Variants in ASMTL observed in about 807,000 individuals in gnomAD.
The protein encoded by ASMTL is probable bifunctional dTTP/UTP pyrophosphatase/methyltransferase protein.
In ASMTL, 57 loss-of-function variants were observed where a neutral mutation model predicts 60.3. The ratio of observed to expected loss-of-function variants is 0.95; its 90% CI spans 0.76 to 1.18. The LOEUF is 1.18. ASMTL is among the 50% of genes most tolerant of loss of function. The pLI, the probability that ASMTL is intolerant of heterozygous loss-of-function variation, is 0.00. For synonymous variants in ASMTL, 419 were observed against 373.0 expected (o/e 1.12, Z -1.42); for missense variants, 981 against 852.6 (o/e 1.15, Z -1.88).
intron 8 of ASMTL, among the ~76,000 whole-genome samples, chrX:1,424,906 C>T (rs1355020378): frequency 7.0e-6 from 1 of 143,224 alleles, no homozygotes; most frequent in Non-Finnish European, 1.5e-5. Context: ...ATCCATCCAC[C>T]TTCCCATCCA....
intron 1 of ASMTL, among the ~76,000 whole-genome samples, chrX:1,451,640 A>AG (rs1317191435): frequency 8.1e-6 from 1 of 123,172 alleles, no homozygotes; most frequent in South Asian, 2.9e-4. Flanking sequence ...CCCCATCCCT[A>AG]GGGGGGTCCC....
intron 12 of ASMTL, among the ~76,000 whole-genome samples, chrX:1,404,116 CATGGATGAG>C (rs1368368274): frequency 2.1e-5 from 3 of 140,558 alleles, no homozygotes; most frequent in African/African-American, 8.2e-5. Context: ...TAGATGGGTG[CATGGATGAG>C]ATGGATGGTT....
chrX:1,418,954 G>T, intron 10 of ASMTL, 28 bp downstream of exon 10: 1 of 1,611,090 alleles, frequency 6.2e-7, no homozygotes, highest in Non-Finnish European at 8.5e-7. Flanking sequence ...ACGAAAGTAA[G>T]GAGAGCCCTG....
intron 1 of ASMTL, among the ~76,000 whole-genome samples, chrX:1,446,183 CCTCT>C (rs1173657856): frequency 1.3e-5 from 2 of 152,014 alleles, no homozygotes; most frequent in South Asian, 2.1e-4. Flanking sequence ...CTCTCCTTCT[CCTCT>C]CTCTCTCTGC....
At chrX:1,418,890 G>T in intron 10 of ASMTL, 92 bp downstream of exon 10, 1 of 1,527,142 alleles carries the variant, frequency 6.5e-7, no homozygotes, top group Non-Finnish European at 9.0e-7. Context: ...TTTGTCAATG[G>T]AAAAAGGCAG....
intron 11 of ASMTL, among the ~76,000 whole-genome samples, chrX:1,417,542 C>G (rs1470409600): frequency 9.4e-6 from 1 of 106,808 alleles, no homozygotes; most frequent in Admixed American, 1.1e-4. Context: ...CACACATGCA[C>G]ACAGACACAC....
chrX:1,427,359 T>G (rs2090638544), intron 7 of ASMTL, among the ~76,000 whole-genome samples: 1 of 151,914 alleles, frequency 6.6e-6, no homozygotes, highest in Non-Finnish European at 1.5e-5. Context: ...GACCTTGTTT[T>G]AAAAAGGGGT....
chrX:1,415,767 TGTC>T (rs2090221612), intron 11 of ASMTL, among the ~76,000 whole-genome samples: 1 of 152,196 alleles, frequency 6.6e-6, no homozygotes, highest in Non-Finnish European at 1.5e-5. Flanking sequence ...TGCCCAGCCT[TGTC>T]CACCTGTTTG....
chrX:1,423,222 G>T (rs776178508), intron 8 of ASMTL, among the ~76,000 whole-genome samples: 5 of 152,190 alleles, frequency 3.3e-5, no homozygotes, highest in Admixed American at 6.5e-5. Flanking sequence ...CAAGTGCTGG[G>T]ATTACAGGCG....
chrX:1,406,206 AGATG>A (rs1569530731), intron 12 of ASMTL, among the ~76,000 whole-genome samples: 4 of 138,140 alleles, frequency 2.9e-5, no homozygotes, highest in Admixed American at 7.1e-5. Context: ...TGGATGGATG[AGATG>A]GATGGATGGG....
In ASMTL at chrX:1,423,102, G is replaced by C. The variant is rs534897811; in HGVS notation, c.1061-1260C>G. 2.2e-4 allele frequency among the ~76,000 whole-genome samples: 34 copies of C among 152,144 alleles called. No individual in the cohort carries two copies. In the South Asian group the frequency reaches 6.8e-3, roughly 31 times the overall value. ...CGAGTAGCTGGGACTACAGGCACCC[G>C]CCACCGTGCCCGGCTAATTTTTTGT... On this transcript the variant is annotated intron_variant, in intron 8 of 12. Coordinates refer to ENST00000381317, the MANE Select transcript of ASMTL (RefSeq NM_004192.4).
chrX:1,438,915 C>T (rs760043989), intron 3 of ASMTL, 182 bp downstream of exon 3: 10 of 205,792 alleles, frequency 4.9e-5, no homozygotes, highest in Non-Finnish European at 6.8e-5. Context: ...GGGTGAGCCA[C>T]GGCGCCTGGC....
chrX:1,440,032 C>A (rs183529812), intron 2 of ASMTL, among the ~76,000 whole-genome samples: 1 of 151,892 alleles, frequency 6.6e-6, no homozygotes, highest in African/African-American at 2.4e-5. Flanking sequence ...ACAATCAATA[C>A]TCCTGTCTTG....
Position 1,452,877 on chromosome X carries a change from A to T in ASMTL, c.-37T>A. ...CGGGAGCCGGGCGTCCGCACTTCTG[A>T]GCCCGGAGCCCGCGGTGCGCGCAGC... On this transcript the variant is annotated 5_prime_UTR_variant, in exon 1 of 13. Coordinates refer to ENST00000381317, the MANE Select transcript of ASMTL (RefSeq NM_004192.4). 2.1e-6 allele frequency: 3 copies of T among 1,443,866 alleles called. No homozygotes were observed. The highest frequency in any genetic ancestry group is 2.8e-6 in the Non-Finnish European group (3 of 1,085,584). The allele number at this position is 1,443,866 out of a possible 1,614,324, so 89.4% of individuals were successfully genotyped here.
chrX:1,442,465 T>TTAGGGA, intron 1 of ASMTL, 148 bp from the exon 2 acceptor site: 2 of 921,628 alleles, frequency 2.2e-6, no homozygotes, highest in Non-Finnish European at 3.3e-6. Context: ...AAGCTTTCCC[T>TTAGGGA]AAGTGTGGCT....
rs201174652 is a variant in ASMTL at position 1,432,289 on chromosome X, G to C, written c.489C>G (p.Tyr163Ter). 114 of 1,612,012 alleles carry C rather than the reference G, an allele frequency of 7.1e-5. No individual in the cohort carries two copies. Among genetic ancestry groups the C allele is most frequent in the Non-Finnish European group, 5.6e-5 (66 of 1,179,088 alleles). ...SELSEELLWE[Y>*]VHSGEPMDKA... ...CTCACATGGGCTCCCCGCTGTGGAC[G>C]TATTCCCAGAGCAGCTCCTCGGACA... Residue 163 changes from tyrosine (Y) to a stop codon, truncating the protein, a stop_gained, in exon 6 of 13, where the codon TAC (tyrosine) becomes TAG (stop). Coordinates refer to ENST00000381317, the MANE Select transcript of ASMTL (RefSeq NM_004192.4). LOFTEE classifies it high-confidence loss of function.
At chrX:1,440,256 T>C (rs1189604365) in intron 2 of ASMTL, among the ~76,000 whole-genome samples, 7 of 152,024 alleles carry the variant, frequency 4.6e-5, no homozygotes, top group Non-Finnish European at 1.0e-4. Flanking sequence ...CCAGCCAATA[T>C]TTTGTGTGTG....
chrX:1,411,848 T>A (rs761642580), intron 12 of ASMTL, among the ~76,000 whole-genome samples: 2 of 137,526 alleles, frequency 1.5e-5, no homozygotes, highest in African/African-American at 2.7e-5. Flanking sequence ...AGTCTCGCTC[T>A]GTTACCCAGG....
chrX:1,443,877 C>T (rs182647129), intron 1 of ASMTL, among the ~76,000 whole-genome samples: 16 of 152,212 alleles, frequency 1.1e-4, no homozygotes, highest in African/African-American at 3.6e-4. Context: ...CAGACACCGC[C>T]GTCGTGGACA....
Sources: allele counts gnomAD v4.1 joint callset (sites outside exome capture counted in the v4.1 genomes callset), GRCh38; gene constraint gnomAD v4.1.1; transcripts MANE v1.5; gene names NCBI Gene and HGNC (gene_info 2026-07-23, HGNC 2026-07-21).